Variants in MYH9 observed in about 807,000 individuals in gnomAD.
MYH9 encodes myosin-9.
Under a neutral mutation model 241.9 loss-of-function variants are expected in MYH9, and 29 were observed. The ratio of observed to expected loss-of-function variants is 0.12; its 90% CI spans 0.09 to 0.16. MYH9 has a LOEUF of 0.16. MYH9 is among the 10% of genes least tolerant of loss of function. MYH9 has a pLI of 1.00. For synonymous variants in MYH9, 1,047 were observed against 1,062.6 expected (o/e 0.99, Z 0.29); for missense variants, 1,803 against 2,595.5 (o/e 0.69, Z 6.63).
Position 36,305,208 on chromosome 22 carries a change from G to T in MYH9, c.2160-106C>A. The T allele has an allele frequency of 2.0e-6, 2 of 1,017,810 alleles. No homozygotes were observed. Among genetic ancestry groups the T allele is most frequent in the Non-Finnish European group, 3.1e-6 (2 of 654,096 alleles). 63.0% of individuals were successfully genotyped at this position (1,017,810 alleles called of 1,614,324 possible). On this transcript the variant is annotated intron_variant, in intron 17 of 40. Coordinates refer to ENST00000216181, the MANE Select transcript of MYH9 (RefSeq NM_002473.6). This position sits in a 1 kb window ranked among gnomAD's most constrained non-coding sequence, Gnocchi z 4.7. ...TCATTTCTACAATGCAACAGACACA[G>T]AATTCTTTACACAAACTCTCCTAAG...
chr22:36,387,829 A>G lies in MYH9; in HGVS notation c.-42T>C, dbSNP rs1475837187. ...CACCTGAACCTGGATCTGCCCCGGG[A>G]ACAGGCGCTGCTTCTCCCGAGAGGA... On this transcript the variant is annotated 5_prime_UTR_variant, in exon 1 of 41. Transcript: ENST00000216181. The G allele has an allele frequency of 2.0e-5, 3 of 151,980 alleles. No individual in the cohort carries two copies. The highest frequency in any genetic ancestry group is 2.0e-4 in the Admixed American group (3 of 15,274). 9.4% of individuals were successfully genotyped at this position (151,980 alleles called of 1,614,324 possible). A position where few individuals can be genotyped will look rare whatever the true frequency, so the allele number is the denominator to read the frequency against.
At chr22:36,366,806 A>G (rs1033764655) in intron 1 of MYH9, among the ~76,000 whole-genome samples, 15 of 152,160 alleles carry the variant, frequency 9.9e-5, no homozygotes, top group African/African-American at 3.1e-4. Flanking sequence ...GGGGAAGGCC[A>G]CTGTGCTGGA....
Position 36,330,602 on chromosome 22 carries a change from C to CT in MYH9, c.491-3115dup, listed in dbSNP as rs1000567628. On this transcript the variant is annotated intron_variant, in intron 3 of 40. Coordinates refer to ENST00000216181, the MANE Select transcript of MYH9 (RefSeq NM_002473.6). This position sits in a 1 kb window ranked among gnomAD's most constrained non-coding sequence, Gnocchi z 4.5. The stretch of plus-strand genomic sequence containing the variant: ...CTTAGCAACCAGTGGGCTCTTTGGC[C>CT]TACTCAGTTTACTCTGCAGCCCACC... Among the ~76,000 whole-genome samples the CT allele has an allele frequency of 1.3e-5, 2 of 152,220 alleles. No individual in the cohort carries two copies. Among genetic ancestry groups the CT allele is most frequent in the African/African-American group, 4.8e-5 (2 of 41,542 alleles).
intron 1 of MYH9, among the ~76,000 whole-genome samples, chr22:36,368,400 C>A (rs560237861): frequency 6.6e-6 from 1 of 152,322 alleles, no homozygotes; most frequent in African/African-American, 2.4e-5. Flanking sequence ...TCACTTGGGG[C>A]TCCAGGTCTT....
Position 36,282,659 on chromosome 22 carries a change from A to G in MYH9, c.*9T>C, listed in dbSNP as rs1171119941. On this transcript the variant is annotated 3_prime_UTR_variant, in exon 41 of 41. Transcript: ENST00000216181. The stretch of plus-strand genomic sequence containing the variant: ...CTGTCCATCCATCTCAGGCTGCAGG[A>G]GAAGAGGCTTATTCGGCAGGTTTGG... 3.1e-6 allele frequency: 5 copies of G among 1,612,656 alleles called. No individual in the cohort carries two copies. Among genetic ancestry groups the G allele is most frequent in the East Asian group, 2.2e-5 (1 of 44,888 alleles).
intron 4 of MYH9, 122 bp downstream of exon 4, chr22:36,327,339 G>A: frequency 2.7e-6 from 3 of 1,119,664 alleles, no homozygotes; most frequent in South Asian, 2.6e-5. Context: ...AGAAGTGGAG[G>A]AGGGGCCTTG....
intron 1 of MYH9, among the ~76,000 whole-genome samples, chr22:36,383,613 C>T (rs930054650): frequency 6.6e-6 from 1 of 151,968 alleles, no homozygotes; most frequent in Non-Finnish European, 1.5e-5. Flanking sequence ...ATCCCCACCC[C>T]CTCAACCTGA....
chr22:36,288,757 G>A lies in MYH9; in HGVS notation c.4740C>T (p.Ser1580=), dbSNP rs758316947. ...TGACCAGCTGCTTCTTCTTCTCCTC[G>A]CTCTGCTCGTCCCGGCCCTGCAGGT... The part of the protein sequence containing the change: ...ERDLQGRDEQ[S]EEKKKQLVRQ... Residue 1580 remains serine, a synonymous_variant, in exon 33 of 41, where the codon AGC becomes AGT. Transcript: ENST00000216181. The surrounding 1 kb of genome is among the most constrained non-coding windows in gnomAD (Gnocchi z 4.8). 8 of 1,607,296 alleles carry A rather than the reference G, an allele frequency of 5.0e-6. No homozygotes were observed. In the South Asian group the frequency reaches 6.6e-5, roughly 13 times the overall value.
intron 1 of MYH9, among the ~76,000 whole-genome samples, chr22:36,367,130 C>A (rs543851715): frequency 6.6e-6 from 1 of 152,156 alleles, no homozygotes; most frequent in East Asian, 1.9e-4. Flanking sequence ...GGCACTAGTG[C>A]GGCCTCCTTT....
At chr22:36,299,532 C>T (rs2016841356) in intron 23 of MYH9, among the ~76,000 whole-genome samples, 1 of 152,168 alleles carries the variant, frequency 6.6e-6, no homozygotes. Flanking sequence ...GGCCACAGCT[C>T]GGCACAAGCA....
chr22:36,304,119 T>C lies in MYH9; in HGVS notation c.2266A>G (p.Ile756Val), dbSNP rs937636221. The stretch of plus-strand genomic sequence containing the variant: ...CGGAAGAAGACTTTGCTCTGGCCAA[T>C]GCGGTACAGATTGCTGTCGAGCTCC... ...ALELDSNLYR[I>V]GQSKVFFRAG... is the part of the protein sequence containing the mutation. The change falls in exon 19 of 41, where the codon ATT (isoleucine) becomes GTT (valine). Residue 756 changes from isoleucine (I) to valine (V), a missense_variant. Physicochemically the swap from Ile to Val is conservative, Grantham distance 29. Coordinates refer to ENST00000216181, the MANE Select transcript of MYH9 (RefSeq NM_002473.6). 7 of 1,613,596 alleles carry C rather than the reference T, an allele frequency of 4.3e-6. No homozygotes were observed. Among genetic ancestry groups the C allele is most frequent in the Non-Finnish European group, 5.9e-6 (7 of 1,180,044 alleles).
chr22:36,320,986 T>A lies in MYH9; in HGVS notation c.770-90A>T. On this transcript the variant is annotated intron_variant, in intron 7 of 40. Coordinates refer to ENST00000216181, the MANE Select transcript of MYH9 (RefSeq NM_002473.6). The surrounding 1 kb of genome is among the most constrained non-coding windows in gnomAD (Gnocchi z 4.8). ...TTTTTTTTTGGAGACAGAGTCTCGCTCTGTCACCCAGGTTGGAGTGCAGTG... is the reference window on the plus strand; with the variant it reads ...TTTTTTTTTGGAGACAGAGTCTCGCACTGTCACCCAGGTTGGAGTGCAGTG... 1 of 1,067,812 alleles carries A rather than the reference T, an allele frequency of 9.4e-7. No individual in the cohort carries two copies. Among genetic ancestry groups the A allele is most frequent in the Non-Finnish European group, 1.4e-6 (1 of 720,400 alleles). The allele number at this position is 1,067,812 out of a possible 1,614,324, so 66.1% of individuals were successfully genotyped here.
chr22:36,314,925 A>C (rs2146357528), intron 12 of MYH9, among the ~76,000 whole-genome samples: 1 of 152,276 alleles, frequency 6.6e-6, no homozygotes, highest in African/African-American at 2.4e-5. Context: ...CTGGGACTAC[A>C]GGTGTGAGCC....
chr22:36,329,314 G>C lies in MYH9; in HGVS notation c.491-1826C>G, dbSNP rs1215088835. On this transcript the variant is annotated intron_variant, in intron 3 of 40. Transcript: ENST00000216181. This position sits in a 1 kb window ranked among gnomAD's most constrained non-coding sequence, Gnocchi z 4.1. ...TTCAAGCCTGCACAGCGAGGACAGAGATTAGAGACCTGCATCCTCGACTAG... is the reference window on the plus strand; with the variant it reads ...TTCAAGCCTGCACAGCGAGGACAGACATTAGAGACCTGCATCCTCGACTAG... Among the ~76,000 whole-genome samples the C allele has an allele frequency of 6.6e-6, 1 of 152,246 alleles. No individual in the cohort carries two copies. The highest frequency in any genetic ancestry group is 2.4e-5 in the African/African-American group (1 of 41,456).
At chr22:36,353,517 C>A (rs2017805480) in intron 1 of MYH9, among the ~76,000 whole-genome samples, 1 of 152,092 alleles carries the variant, frequency 6.6e-6, no homozygotes, top group African/African-American at 2.4e-5. Context: ...CCCACCACCA[C>A]AGCCGGCTAA....
chr22:36,372,520 A>AT (rs1182727268), intron 1 of MYH9, among the ~76,000 whole-genome samples: 2 of 151,062 alleles, frequency 1.3e-5, no homozygotes, highest in South Asian at 2.1e-4. Context: ...ATGACAGGTA[A>AT]TAAAAAAAAA....
At position 36,319,314 on chromosome 22, in the gene MYH9, G is replaced by A. The variant is rs142094239; in HGVS notation, c.1108+226C>T. Among the ~76,000 whole-genome samples the A allele has an allele frequency of 2.2e-3, 336 of 152,270 alleles. 1 individual carries two copies. The highest frequency in any genetic ancestry group is 7.8e-3 in the African/African-American group (324 of 41,536). On this transcript the variant is annotated intron_variant, in intron 10 of 40. Coordinates refer to ENST00000216181, the MANE Select transcript of MYH9 (RefSeq NM_002473.6). Reference sequence around the variant, plus strand: ...TTGGTCTCAGGAATGAATAAGGGAAGCCCTGGTCCACATGATCACAAGTTT... The same window carrying A: ...TTGGTCTCAGGAATGAATAAGGGAAACCCTGGTCCACATGATCACAAGTTT...
At chr22:36,319,448 G>A in intron 10 of MYH9, 92 bp downstream of exon 10, 1 of 1,146,882 alleles carries the variant, frequency 8.7e-7, no homozygotes. Flanking sequence ...AAAAAGAATA[G>A]TGTCCGGAAT....
chr22:36,344,411 A>G (rs2017641729), intron 2 of MYH9, among the ~76,000 whole-genome samples: 1 of 152,140 alleles, frequency 6.6e-6, no homozygotes, highest in Non-Finnish European at 1.5e-5. Flanking sequence ...CATGATTTGG[A>G]AGCTTGATGG....
Sources: allele counts gnomAD v4.1 joint callset (sites outside exome capture counted in the v4.1 genomes callset), GRCh38; gene constraint gnomAD v4.1.1; non-coding constraint Gnocchi (gnomAD v3.1); transcripts MANE v1.5; gene names NCBI Gene and HGNC (gene_info 2026-07-23, HGNC 2026-07-21).